Variants in SCHIP1 observed in about 807,000 individuals in gnomAD.
SCHIP1 encodes schwannomin-interacting protein 1.
Under a neutral mutation model 29.7 loss-of-function variants are expected in SCHIP1, and 8 were observed. That is an observed-to-expected ratio of 0.27 (90% CI 0.16 to 0.49). SCHIP1 has a LOEUF of 0.49. Among genes scored for constraint, SCHIP1 ranks in the 20% least tolerant of loss-of-function variants. The probability of loss-of-function intolerance (pLI) is 0.99; values close to 1 mark genes in which losing one functional copy is unlikely to be tolerated. For missense variants in SCHIP1, 193 were observed against 294.6 expected, an observed-to-expected ratio of 0.66 and a Z score of 2.52; for synonymous variants, 76 against 94.9, an observed-to-expected ratio of 0.80 and a Z score of 1.16.
chr3:159,799,456 C>T, the SCHIP1 span, among the ~76,000 whole-genome samples: 2 of 152,166 alleles, frequency 1.3e-5, no homozygotes, highest in African/African-American at 4.8e-5. Flanking sequence ...TATGTTTATC[C>T]AATAAAAGTC....
At chr3:159,612,386 C>T in the SCHIP1 span, among the ~76,000 whole-genome samples, 1 of 152,156 alleles carries the variant, frequency 6.6e-6, no homozygotes, top group African/African-American at 2.4e-5. Flanking sequence ...GAGGTTTTCA[C>T]TCCAGAAAAT....
At chr3:159,769,771 T>G in the SCHIP1 span, among the ~76,000 whole-genome samples, 2 of 152,082 alleles carry the variant, frequency 1.3e-5, no homozygotes, top group Non-Finnish European at 2.9e-5. Context: ...TAAAATAAAA[T>G]AAAAATAGCT....
At chr3:159,810,338 C>A in the SCHIP1 span, among the ~76,000 whole-genome samples, 2 of 152,212 alleles carry the variant, frequency 1.3e-5, no homozygotes, top group Non-Finnish European at 2.9e-5. Context: ...AGCCACCACG[C>A]CCGGCCTCAA....
chr3:159,891,564 G>C (rs1268687414), intron 5 of SCHIP1, among the ~76,000 whole-genome samples: 1 of 152,128 alleles, frequency 6.6e-6, no homozygotes, highest in Admixed American at 6.5e-5. Flanking sequence ...TTACAAATCT[G>C]ACTTTCCAAT....
At chr3:159,488,021 C>G in the SCHIP1 span, among the ~76,000 whole-genome samples, 21 of 152,226 alleles carry the variant, frequency 1.4e-4, no homozygotes, top group African/African-American at 5.1e-4. Context: ...TGTGCTTTTT[C>G]CCAGCATCCA....
the SCHIP1 span, among the ~76,000 whole-genome samples, chr3:159,597,307 G>T: frequency 6.6e-6 from 1 of 152,006 alleles, no homozygotes; most frequent in South Asian, 2.1e-4. Context: ...GCTATTTAGG[G>T]TGTCCATCAC....
the SCHIP1 span, among the ~76,000 whole-genome samples, chr3:159,478,525 G>T: frequency 4.6e-5 from 7 of 152,150 alleles, no homozygotes; most frequent in South Asian, 1.5e-3. Context: ...AATGACTCCA[G>T]GTTTGTTCCT....
the SCHIP1 span, among the ~76,000 whole-genome samples, chr3:159,736,529 A>G: frequency 6.6e-6 from 1 of 152,162 alleles, no homozygotes; most frequent in Non-Finnish European, 1.5e-5. Flanking sequence ...GATGTAATTC[A>G]TTCATGAAAC....
At chr3:159,875,937 CA>C (rs1378275694) in intron 2 of SCHIP1, among the ~76,000 whole-genome samples, 2 of 152,034 alleles carry the variant, frequency 1.3e-5, no homozygotes, top group Non-Finnish European at 2.9e-5. Context: ...TAGAACAAAA[CA>C]AAACAAAACA....
the SCHIP1 span, among the ~76,000 whole-genome samples, chr3:159,394,171 T>C: frequency 1.3e-5 from 2 of 149,310 alleles, no homozygotes; most frequent in Admixed American, 1.3e-4. Flanking sequence ...TTTTGTATCC[T>C]GACACTTTGC....
chr3:159,724,628 T>C, the SCHIP1 span, among the ~76,000 whole-genome samples: 1 of 152,182 alleles, frequency 6.6e-6, no homozygotes, highest in Non-Finnish European at 1.5e-5. Flanking sequence ...TGATTTACAA[T>C]GGGATATAAA....
chr3:159,880,254 TTCTA>T (rs914962260), intron 2 of SCHIP1, among the ~76,000 whole-genome samples: 6 of 152,314 alleles, frequency 3.9e-5, no homozygotes, highest in African/African-American at 1.4e-4. Context: ...GGGTCAGCTT[TTCTA>T]TCTCTCTCCT....
chr3:159,886,568 C>A, intron 3 of SCHIP1: 1 of 359,618 alleles, frequency 2.8e-6, no homozygotes, highest in Non-Finnish European at 5.1e-6. Flanking sequence ...AAATCACCAG[C>A]CTGGGCAACA....
the SCHIP1 span, among the ~76,000 whole-genome samples, chr3:159,466,791 GA>G: frequency 6.6e-6 from 1 of 152,088 alleles, no homozygotes; most frequent in African/African-American, 2.4e-5. Context: ...GCCAATAAAA[GA>G]GCAGTCATCT....
chr3:159,467,788 A>G, the SCHIP1 span, among the ~76,000 whole-genome samples: 2 of 152,242 alleles, frequency 1.3e-5, no homozygotes, highest in Admixed American at 1.3e-4. Flanking sequence ...TTCCAGCACA[A>G]TTGTCTGACA....
At chr3:159,846,748 C>T (rs1263793616) in intron 1 of SCHIP1, among the ~76,000 whole-genome samples, 1 of 151,930 alleles carries the variant, frequency 6.6e-6, no homozygotes, top group Non-Finnish European at 1.5e-5. Context: ...CTGAAGAGTA[C>T]TTGGTCTTCA....
At chr3:159,379,227 G>T in the SCHIP1 span, among the ~76,000 whole-genome samples, 12 of 143,732 alleles carry the variant, frequency 8.3e-5, no homozygotes, top group East Asian at 1.0e-3. Flanking sequence ...TTTGGTTTTT[G>T]TTTTTTTTTT....
chr3:159,637,377 A>C, the SCHIP1 span, among the ~76,000 whole-genome samples: 7 of 90,478 alleles, frequency 7.7e-5, no homozygotes, highest in African/African-American at 9.9e-4. Flanking sequence ...CCAGCCACAC[A>C]CACACACACA....
chr3:159,509,202 G>C, the SCHIP1 span, among the ~76,000 whole-genome samples: 1 of 152,296 alleles, frequency 6.6e-6, no homozygotes, highest in East Asian at 1.9e-4. Context: ...TTGTTGAATT[G>C]ATCCCTTTAC....
Sources: gnomAD v4.1 joint callset for allele counts (sites outside exome capture counted in the v4.1 genomes callset) on GRCh38, gnomAD v4.1.1 for gene constraint, MANE v1.5 for transcripts, NCBI Gene and HGNC (gene_info 2026-07-23, HGNC 2026-07-21) for gene names.